Variants in SART3 observed in about 807,000 individuals in gnomAD.
SART3 encodes the protein HIV-1 Tat-interacting protein of 110kDa.
SART3 carries 44 observed loss-of-function variants against 122.3 expected under a neutral mutation model. That is an observed-to-expected ratio of 0.36 (90% CI 0.28 to 0.46). The LOEUF is 0.46. Among genes scored for constraint, SART3 ranks in the 20% least tolerant of loss-of-function variants. The probability of loss-of-function intolerance (pLI) is 1.00; values close to 1 mark genes in which losing one functional copy is unlikely to be tolerated. For missense variants in SART3, 1,101 were observed against 1,229.0 expected (o/e 0.90, Z 1.56); for synonymous variants, 442 against 454.0 (o/e 0.97, Z 0.34).
At chr12:108,549,520 T>A (rs2287553) in intron 1 of SART3, among the ~76,000 whole-genome samples, 17,162 of 152,190 alleles carry the variant, frequency 0.11, 1,377 homozygotes, top group Admixed American at 0.27. Context: ...TTAGGTAAGT[T>A]ATTTACTTTC....
chr12:108,544,722 T>C (rs1050210513), intron 4 of SART3: 7 of 623,856 alleles, frequency 1.1e-5, no homozygotes, highest in Non-Finnish European at 2.0e-5. Context: ...TACGCCATCA[T>C]GCCCAGCTAA....
intron 11 of SART3, 100 bp from the exon 12 acceptor site, chr12:108,535,568 A>C: frequency 1.0e-6 from 1 of 956,172 alleles, no homozygotes; most frequent in South Asian, 1.3e-5. Flanking sequence ...AGCACCCCAC[A>C]ACTATTAGTG....
At chr12:108,535,329 T>C (rs1400430335) in intron 12 of SART3, 30 bp downstream of exon 12, 2 of 1,569,076 alleles carry the variant, frequency 1.3e-6, no homozygotes, top group Admixed American at 1.7e-5. Flanking sequence ...TGACAAGCAC[T>C]GCCTCCCTCC....
In SART3 at chr12:108,539,011, T is replaced by C. The variant is rs775154019; in HGVS notation, c.985A>G (p.Ile329Val). ...FEMKIGDPAR[I>V]QLIFERALVE... ...AGGGCGCGCTCAAAGATCAACTGAATGCGAGCAGGATCGCCAATTTTCATC... is the reference window on the plus strand; with the variant it reads ...AGGGCGCGCTCAAAGATCAACTGAACGCGAGCAGGATCGCCAATTTTCATC... Residue 329 changes from isoleucine to valine, a missense_variant, in exon 7 of 19, where the codon ATT (isoleucine) becomes GTT (valine). Physicochemically the swap from Ile to Val is conservative, Grantham distance 29. This residue lies in a region of SART3 where 885 missense variants were observed against 1,080.1 expected (regional missense o/e 0.82). Transcript: ENST00000546815. 4 of 1,614,126 alleles carry C rather than the reference T, an allele frequency of 2.5e-6. No individual in the cohort carries two copies. The Admixed American group carries it at 5.0e-5, about 20-fold the overall frequency.
In SART3 at chr12:108,525,531, G is replaced by A; in HGVS notation, c.2449C>T (p.Leu817=). Residue 817 remains leucine, a synonymous_variant, in exon 17 of 19, where the codon CTA becomes TTA. Coordinates refer to ENST00000546815, the MANE Select transcript of SART3 (RefSeq NM_014706.4). Reference sequence around the variant, plus strand: ...CCATGAGCCTTACAGATTTCTTCTAGTTCCTCTTTAGTACAGGAGAAAGGC... The same window carrying A: ...CCATGAGCCTTACAGATTTCTTCTAATTCCTCTTTAGTACAGGAGAAAGGC... ...GLPFSCTKEE[L]EEICKAHGTV... The A allele has an allele frequency of 6.2e-7, 1 of 1,614,192 alleles. No individual in the cohort carries two copies. Among genetic ancestry groups the A allele is most frequent in the Non-Finnish European group, 8.5e-7 (1 of 1,180,020 alleles).
In SART3 at chr12:108,544,596, T is replaced by C. The variant is rs1873318459; in HGVS notation, c.730-118A>G. 3 of 1,418,296 alleles carry C rather than the reference T, an allele frequency of 2.1e-6. No individual in the cohort carries two copies. The African/African-American group carries it at 4.2e-5, about 20-fold the overall frequency. 87.9% of individuals were successfully genotyped at this position (1,418,296 alleles called of 1,614,324 possible). On this transcript the variant is annotated intron_variant, in intron 4 of 18. Transcript: ENST00000546815. ...TCTTTCTTTTTCTTTTGAGAAGGGT[T>C]CTTGCTGTCACCCTGGCTGGAGTGT...
chr12:108,536,641 A>C, intron 10 of SART3, 67 bp downstream of exon 10: 1 of 1,605,588 alleles, frequency 6.2e-7, no homozygotes, highest in Non-Finnish European at 8.5e-7. Flanking sequence ...GAAAAGGTAC[A>C]TCAACCAGGA....
chr12:108,543,677 A>G (rs1367950831), intron 5 of SART3, among the ~76,000 whole-genome samples: 1 of 152,212 alleles, frequency 6.6e-6, no homozygotes, highest in East Asian at 1.9e-4. Flanking sequence ...ATACCCAACC[A>G]TTTGATTAGA....
At chr12:108,555,203 T>C (rs1185230633) in intron 1 of SART3, among the ~76,000 whole-genome samples, 1 of 152,252 alleles carries the variant, frequency 6.6e-6, no homozygotes, top group African/African-American at 2.4e-5. Context: ...GTTTACGTTA[T>C]ATGTTTTTTA....
rs34709181 is a variant in SART3, at chr12:108,523,553, G to A, written c.2796C>T (p.Asn932=). The A allele has an allele frequency of 3.1e-3, 5,050 of 1,614,024 alleles. 87 individuals are homozygous for A. In the African/African-American group the frequency reaches 0.046, roughly 15 times the overall value. ...CAACTGCAGGAGCCGCGGCAGGGCC[G>A]TTCTCAGCCTGAGGAGCTGCAGCAC... is the stretch of plus-strand genomic sequence containing the variant. ...RPSAAAPQAE[N]GPAAAPAVAA... Residue 932 remains asparagine (N), a synonymous_variant, in exon 19 of 19, where the codon AAC becomes AAT. Transcript: ENST00000546815.
At chr12:108,534,625 A>C (rs1379941073) in intron 12 of SART3, among the ~76,000 whole-genome samples, 2 of 152,200 alleles carry the variant, frequency 1.3e-5, no homozygotes, top group African/African-American at 4.8e-5. Flanking sequence ...GTTGCAGCTG[A>C]GACTGCACCA....
chr12:108,532,400 C>T, intron 12 of SART3, 66 bp from the exon 13 acceptor site: 2 of 1,307,220 alleles, frequency 1.5e-6, no homozygotes, highest in South Asian at 2.4e-5. Flanking sequence ...AAGGGAGAGG[C>T]CGTCTTCTCC....
chr12:108,531,288 G>GA lies in SART3; in HGVS notation c.1670-9dup. 6.2e-7 allele frequency: 1 copy of GA among 1,611,116 alleles called. No individual in the cohort carries two copies. The highest frequency in any genetic ancestry group is 8.5e-7 in the Non-Finnish European group (1 of 1,177,428). On this transcript the variant is annotated splice_polypyrimidine_tract_variant and intron_variant, in intron 13 of 18. Transcript: ENST00000546815. ...CCCAATCTTCTAAAGAACCTTGAAA[G>GA]AAAGAGAAGCAAAACTTTCACTCTT...
chr12:108,544,075 T>A (rs1032031531), intron 5 of SART3, among the ~76,000 whole-genome samples: 1 of 152,228 alleles, frequency 6.6e-6, no homozygotes, highest in Non-Finnish European at 1.5e-5. Context: ...ATGATTATAA[T>A]GGAACTCTTG....
chr12:108,549,255 A>T (rs201603118), intron 1 of SART3, 41 bp from the exon 2 acceptor site: 713 of 1,608,440 alleles, frequency 4.4e-4, no homozygotes, highest in Non-Finnish European at 5.9e-4. Flanking sequence ...AAACACCGTC[A>T]TCAAGTAACT....
chr12:108,526,050 G>A lies in SART3; in HGVS notation c.2370+49C>T, dbSNP rs1370522280. 2.7e-6 allele frequency: 4 copies of A among 1,473,640 alleles called. No individual in the cohort carries two copies. The African/African-American group carries it at 5.5e-5, about 20-fold the overall frequency. The allele number at this position is 1,473,640 out of a possible 1,614,324, so 91.3% of individuals were successfully genotyped here. A position where few individuals can be genotyped will look rare whatever the true frequency, so the allele number is the denominator to read the frequency against. ...TCACTGCTGCAGGAAGAAAGTGCCTGTCTAAAGCAACCACAGATGAAAGGC... is the reference window on the plus strand; with the variant it reads ...TCACTGCTGCAGGAAGAAAGTGCCTATCTAAAGCAACCACAGATGAAAGGC... On this transcript the variant is annotated intron_variant, in intron 16 of 18. Coordinates refer to ENST00000546815, the MANE Select transcript of SART3 (RefSeq NM_014706.4).
intron 9 of SART3, 34 bp from the exon 10 acceptor site, chr12:108,536,819 C>T: frequency 6.3e-7 from 1 of 1,587,200 alleles, no homozygotes; most frequent in Non-Finnish European, 8.6e-7. Flanking sequence ...CTTTAGGAAA[C>T]CACATAGCCT....
intron 14 of SART3, among the ~76,000 whole-genome samples, chr12:108,530,857 C>CAA (rs201818399): frequency 6.4e-5 from 9 of 140,752 alleles, no homozygotes; most frequent in Admixed American, 5.6e-4. Flanking sequence ...GACTCCGTCT[C>CAA]AAAAAAAAAA....
chr12:108,557,567 C>A (rs911382220), intron 1 of SART3, among the ~76,000 whole-genome samples: 2 of 152,186 alleles, frequency 1.3e-5, no homozygotes, highest in Non-Finnish European at 2.9e-5. Context: ...CTGTGCCAGG[C>A]GCTTTACGCA....
Sources: allele counts gnomAD v4.1 joint callset (sites outside exome capture counted in the v4.1 genomes callset), GRCh38; gene constraint gnomAD v4.1.1; regional missense constraint gnomAD v4.1.1; transcripts MANE v1.5; gene names NCBI Gene and HGNC (gene_info 2026-07-23, HGNC 2026-07-21).